Variants in GRID1 observed in about 807,000 individuals in gnomAD.
The protein encoded by GRID1 is glutamate receptor ionotropic, delta-1.
A neutral mutation model predicts 98.0 loss-of-function variants in GRID1; 28 were observed. The ratio of observed to expected loss-of-function variants is 0.29; its 90% CI spans 0.21 to 0.39. GRID1 has a LOEUF of 0.39. GRID1 is among the 10% of genes least tolerant of loss of function. GRID1 has a pLI of 1.00. For synonymous variants in GRID1, 553 were observed against 538.5 expected, an observed-to-expected ratio of 1.03 and a Z score of -0.37; for missense variants, 1,111 against 1,340.5, an observed-to-expected ratio of 0.83 and a Z score of 2.67.
intron 12 of GRID1, among the ~76,000 whole-genome samples, chr10:85,656,458 A>G (rs1308486987): frequency 6.6e-6 from 1 of 152,148 alleles, no homozygotes; most frequent in Non-Finnish European, 1.5e-5. Flanking sequence ...TACATTGATG[A>G]CTGTAGTGGG....
chr10:85,987,083 G>A (rs981738769), intron 4 of GRID1, among the ~76,000 whole-genome samples: 1 of 151,854 alleles, frequency 6.6e-6, no homozygotes, highest in Admixed American at 6.5e-5. Flanking sequence ...GGGACACCAC[G>A]GGCACCTAGC....
intron 12 of GRID1, among the ~76,000 whole-genome samples, chr10:85,665,897 G>A (rs1347348661): frequency 6.6e-6 from 1 of 152,110 alleles, no homozygotes; most frequent in Non-Finnish European, 1.5e-5. Flanking sequence ...TCTCGGGAAG[G>A]GAGGCACGTT....
At chr10:86,190,055 C>G (rs904897632) in intron 3 of GRID1, among the ~76,000 whole-genome samples, 1 of 152,126 alleles carries the variant, frequency 6.6e-6, no homozygotes, top group East Asian at 1.9e-4. Flanking sequence ...GCAAGTCCAC[C>G]GCATGCCTTC....
At chr10:86,236,889 G>C (rs1472030209) in intron 2 of GRID1, among the ~76,000 whole-genome samples, 1 of 152,218 alleles carries the variant, frequency 6.6e-6, no homozygotes, top group African/African-American at 2.4e-5. Context: ...GGAGAGCAGA[G>C]AGCAGGAGGC....
chr10:85,794,860 G>T (rs1456094437), intron 8 of GRID1, among the ~76,000 whole-genome samples: 2 of 152,156 alleles, frequency 1.3e-5, no homozygotes, highest in African/African-American at 4.8e-5. Context: ...CTGACATACT[G>T]CCAAGTGATT....
At chr10:85,632,858 CTATT>C (rs1483881905) in intron 13 of GRID1, among the ~76,000 whole-genome samples, 8 of 152,194 alleles carry the variant, frequency 5.3e-5, no homozygotes, top group Non-Finnish European at 1.0e-4. Context: ...CATGCATTAA[CTATT>C]TATTCTGATG....
intron 13 of GRID1, among the ~76,000 whole-genome samples, chr10:85,628,210 GGTGT>G (rs1462775391): frequency 6.6e-6 from 1 of 151,546 alleles, no homozygotes; most frequent in Non-Finnish European, 1.5e-5. Flanking sequence ...TGTGTGTATG[GGTGT>G]GTGAGTGTGT....
intron 2 of GRID1, among the ~76,000 whole-genome samples, chr10:86,307,506 G>T (rs1179478475): frequency 6.6e-6 from 1 of 152,174 alleles, no homozygotes; most frequent in Non-Finnish European, 1.5e-5. Context: ...CAAAAAAGCA[G>T]AGCATAGAAA....
intron 2 of GRID1, among the ~76,000 whole-genome samples, chr10:86,243,975 G>A (rs765909023): frequency 7.2e-5 from 11 of 152,158 alleles, no homozygotes; most frequent in East Asian, 1.9e-4. Flanking sequence ...ATGCACACAC[G>A]TGTGCTTGTG....
chr10:85,843,703 C>G (rs995464967), intron 8 of GRID1, among the ~76,000 whole-genome samples: 1 of 152,012 alleles, frequency 6.6e-6, no homozygotes, highest in African/African-American at 2.4e-5. Flanking sequence ...ACATTCAACA[C>G]CACTGACCAT....
chr10:86,062,852 A>G (rs1276142375), intron 4 of GRID1, among the ~76,000 whole-genome samples: 2 of 152,250 alleles, frequency 1.3e-5, no homozygotes, highest in Non-Finnish European at 2.9e-5. Flanking sequence ...CCACATGCCC[A>G]GGGCTAACAG....
intron 3 of GRID1, among the ~76,000 whole-genome samples, chr10:86,165,474 G>A (rs1845385454): frequency 1.3e-5 from 2 of 152,194 alleles, no homozygotes; most frequent in South Asian, 4.1e-4. Context: ...TGGCCTCCTG[G>A]AGACAGAGGG....
chr10:86,054,428 C>A (rs1197276845), intron 4 of GRID1, among the ~76,000 whole-genome samples: 3 of 152,158 alleles, frequency 2.0e-5, no homozygotes, highest in Non-Finnish European at 4.4e-5. Flanking sequence ...ATTTAGGCAA[C>A]AAATTTAGGC....
At chr10:86,325,162 T>A (rs770235801) in intron 2 of GRID1, among the ~76,000 whole-genome samples, 14 of 151,554 alleles carry the variant, frequency 9.2e-5, no homozygotes, top group Non-Finnish European at 1.3e-4. Context: ...CAAAAAATAA[T>A]ATGAAAGATT....
chr10:86,009,199 CT>C (rs1210520261), intron 4 of GRID1, among the ~76,000 whole-genome samples: 1 of 152,136 alleles, frequency 6.6e-6, no homozygotes, highest in Admixed American at 6.5e-5. Context: ...CAGACAAATG[CT>C]GTGATCTCAT....
At chr10:86,197,770 G>T (rs1174349431) in intron 3 of GRID1, among the ~76,000 whole-genome samples, 1 of 152,060 alleles carries the variant, frequency 6.6e-6, no homozygotes, top group East Asian at 1.9e-4. Flanking sequence ...TGATGGAGGG[G>T]TGAGGGAACT....
intron 12 of GRID1, among the ~76,000 whole-genome samples, chr10:85,666,211 A>G (rs2132576692): frequency 6.6e-6 from 1 of 152,332 alleles, no homozygotes; most frequent in East Asian, 1.9e-4. Context: ...ATAGGCAAGG[A>G]CACTGAGGCC....
At chr10:85,705,914 T>C (rs1329457721) in intron 12 of GRID1, among the ~76,000 whole-genome samples, 5 of 152,164 alleles carry the variant, frequency 3.3e-5, no homozygotes, top group African/African-American at 1.2e-4. Flanking sequence ...TTCAACAGCA[T>C]TTCATGCTAA....
intron 2 of GRID1, among the ~76,000 whole-genome samples, chr10:86,353,138 C>T (rs187753183): frequency 2.0e-5 from 3 of 152,302 alleles, no homozygotes; most frequent in South Asian, 2.1e-4. Flanking sequence ...GGAACAAAAG[C>T]GACCAAGTCC....
Sources: allele counts gnomAD v4.1 joint callset (sites outside exome capture counted in the v4.1 genomes callset), GRCh38; gene constraint gnomAD v4.1.1; transcripts MANE v1.5; gene names NCBI Gene and HGNC (gene_info 2026-07-23, HGNC 2026-07-21).